The following THSD7A variants were observed in gnomAD, a reference collection of about 807,000 sequenced individuals.
The protein encoded by THSD7A is thrombospondin type 1 domain containing 7A.
Under a neutral mutation model 231.3 loss-of-function variants are expected in THSD7A, and 96 were observed. The observed-to-expected ratio is 0.41, with a 90% confidence interval of 0.35 to 0.49. The LOEUF (loss-of-function observed/expected upper bound fraction) is 0.49, where lower values mean the gene tolerates loss of function less well. Ranked by LOEUF, THSD7A falls within the 20% of genes least tolerant of loss-of-function variation. The pLI is 0.05. For synonymous variants in THSD7A, 940 were observed against 743.3 expected, an observed-to-expected ratio of 1.26 and a Z score of -4.30; for missense variants, 2,290 against 2,070.2, an observed-to-expected ratio of 1.11 and a Z score of -2.06.
intron 13 of THSD7A, among the ~76,000 whole-genome samples, chr7:11,441,034 A>G (rs1218363483): frequency 6.6e-6 from 1 of 152,050 alleles, no homozygotes; most frequent in African/African-American, 2.4e-5. Context: ...CAAAGTATAG[A>G]AACCACTGCA....
chr7:11,724,023 A>C (rs899078374), intron 1 of THSD7A, among the ~76,000 whole-genome samples: 2 of 151,924 alleles, frequency 1.3e-5, no homozygotes, highest in African/African-American at 4.8e-5. Context: ...AATTGCAACA[A>C]CGCAGGCAAG....
At chr7:11,476,240 T>C (rs963670944) in intron 7 of THSD7A, among the ~76,000 whole-genome samples, 39 of 151,878 alleles carry the variant, frequency 2.6e-4, no homozygotes, top group Admixed American at 2.4e-3. Flanking sequence ...CTACAGTTTA[T>C]ACAATATTTA....
At chr7:11,651,685 C>A (rs915816702) in intron 1 of THSD7A, among the ~76,000 whole-genome samples, 20 of 151,862 alleles carry the variant, frequency 1.3e-4, no homozygotes, top group Non-Finnish European at 2.8e-4. Flanking sequence ...GACCTAAAGG[C>A]AATTTATTTG....
At chr7:11,693,846 A>G (rs1780308781) in intron 1 of THSD7A, among the ~76,000 whole-genome samples, 2 of 151,530 alleles carry the variant, frequency 1.3e-5, no homozygotes, top group Admixed American at 1.3e-4. Context: ...AAATATTTTA[A>G]TAAGGTTTTA....
chr7:11,516,527 G>A (rs1450992032), intron 6 of THSD7A, among the ~76,000 whole-genome samples: 2 of 152,118 alleles, frequency 1.3e-5, no homozygotes, highest in African/African-American at 4.8e-5. Context: ...CATTGACCTT[G>A]CCTGTGTGCA....
intron 23 of THSD7A, among the ~76,000 whole-genome samples, chr7:11,397,174 G>A (rs1028079331): frequency 6.6e-6 from 1 of 151,644 alleles, no homozygotes; most frequent in Admixed American, 6.6e-5. Context: ...CAGCCACAGG[G>A]CTACAGTAAC....
At chr7:11,394,789 T>C (rs1783117260) in intron 23 of THSD7A, among the ~76,000 whole-genome samples, 1 of 152,150 alleles carries the variant, frequency 6.6e-6, no homozygotes, top group Admixed American at 6.5e-5. Context: ...GCTCTTACAC[T>C]GCATACCTGT....
At position 11,745,012 on chromosome 7, in the gene THSD7A, C is replaced by T. The variant is rs545147280; in HGVS notation, c.190+86745G>A. On this transcript the variant is annotated intron_variant, in intron 1 of 27. Coordinates refer to ENST00000423059, the MANE Select transcript of THSD7A (RefSeq NM_015204.3). ...TTCTAGTTCTAGATCCCTGAGGAAT[C>T]GCCACACTGACTTCCACAATGGTTG... Among the ~76,000 whole-genome samples the T allele has an allele frequency of 6.6e-5, 10 of 151,934 alleles. 1 individual carries two copies. In the East Asian group the frequency reaches 1.6e-3, roughly 24 times the overall value.
intron 2 of THSD7A, among the ~76,000 whole-genome samples, chr7:11,612,551 G>A (rs965681212): frequency 2.6e-5 from 4 of 152,100 alleles, no homozygotes; most frequent in African/African-American, 9.7e-5. Context: ...ATCTTCAAAA[G>A]TAAACATTCT....
intron 2 of THSD7A, among the ~76,000 whole-genome samples, chr7:11,619,680 C>G (rs1468793039): frequency 6.6e-6 from 1 of 152,038 alleles, no homozygotes; most frequent in East Asian, 1.9e-4. Context: ...CCTCAGCCTC[C>G]CAAAGTGCTG....
At position 11,424,710 on chromosome 7, in the gene THSD7A, T is replaced by G. The variant is rs748117081; in HGVS notation, c.3369A>C (p.Gln1123His). Reference protein sequence around the residue: ...NMRENCGEGVQTRKVRCMQNT... With the variant: ...NMRENCGEGVHTRKVRCMQNT... ...CTTTGTCTTACCTCACTTTTCGGGT[T>G]TGCACGCCCTCTCCACAGTTCTCCC... is the stretch of plus-strand genomic sequence containing the variant. The change falls in exon 16 of 28, where the codon CAA becomes CAC. Residue 1123 changes from glutamine (Q) to histidine (H), a missense_variant. Gln to His is a conservative substitution (Grantham distance 24). Transcript: ENST00000423059. 6.2e-7 allele frequency: 1 copy of G among 1,613,968 alleles called. No homozygotes were observed.
At chr7:11,469,126 G>T (rs924193390) in intron 9 of THSD7A, among the ~76,000 whole-genome samples, 33 of 152,158 alleles carry the variant, frequency 2.2e-4, no homozygotes, top group African/African-American at 7.5e-4. Context: ...AAGCATACAG[G>T]AAATTTAGAA....
intron 1 of THSD7A, among the ~76,000 whole-genome samples, chr7:11,761,036 C>G (rs189594963): frequency 6.0e-5 from 9 of 150,280 alleles, no homozygotes; most frequent in Admixed American, 3.3e-4. Flanking sequence ...TGCTGATAAG[C>G]TATAAATATG....
chr7:11,428,799 C>T, intron 14 of THSD7A, 148 bp downstream of exon 14: 3 of 817,118 alleles, frequency 3.7e-6, no homozygotes, highest in African/African-American at 1.7e-5. Flanking sequence ...ATTTTAATAA[C>T]ATGTATGTAT....
intron 1 of THSD7A, among the ~76,000 whole-genome samples, chr7:11,799,829 G>A (rs921849656): frequency 3.9e-5 from 6 of 152,202 alleles, no homozygotes; most frequent in Admixed American, 1.3e-4. Context: ...AGACATTACA[G>A]AATGAGAGAG....
intron 1 of THSD7A, among the ~76,000 whole-genome samples, chr7:11,762,576 T>C (rs1354062796): frequency 2.0e-5 from 3 of 152,120 alleles, no homozygotes; most frequent in African/African-American, 7.2e-5. Flanking sequence ...TTTCAATAAA[T>C]CAGGTTATTT....
At position 11,680,674 on chromosome 7, in the gene THSD7A, T is replaced by C. The variant is rs974707058; in HGVS notation, c.191-43713A>G. Among the ~76,000 whole-genome samples, 8 of 152,248 alleles carry C rather than the reference T, an allele frequency of 5.3e-5. No homozygotes were observed. The East Asian group carries it at 1.5e-3, about 29-fold the overall frequency. ...AGATACCATCTCACAGCAGTTAGAA[T>C]AGCGATCATTCAAAATTCAGGAAAT... On this transcript the variant is annotated intron_variant, in intron 1 of 27. Transcript: ENST00000423059.
At chr7:11,626,799 T>C (rs1781484761) in intron 2 of THSD7A, among the ~76,000 whole-genome samples, 2 of 152,130 alleles carry the variant, frequency 1.3e-5, no homozygotes, top group African/African-American at 4.8e-5. Context: ...AAAGAAAATA[T>C]AACAACAGCA....
intron 1 of THSD7A, among the ~76,000 whole-genome samples, chr7:11,712,019 C>G (rs939585230): frequency 2.0e-5 from 3 of 151,018 alleles, no homozygotes; most frequent in African/African-American, 7.3e-5. Flanking sequence ...AAACCTTCCT[C>G]CCAGCTAAGA....
Sources: allele counts gnomAD v4.1 joint callset (sites outside exome capture counted in the v4.1 genomes callset), GRCh38; gene constraint gnomAD v4.1.1; transcripts MANE v1.5; gene names NCBI Gene and HGNC (gene_info 2026-07-23, HGNC 2026-07-21).